The following XKR6 variants were observed in gnomAD, a reference collection of about 807,000 sequenced individuals.
XKR6 encodes XK related 6.
XKR6 carries 22 observed loss-of-function variants against 56.7 expected under a neutral mutation model. The ratio of observed to expected loss-of-function variants is 0.39; its 90% confidence interval spans 0.28 to 0.55. XKR6 has a LOEUF of 0.55. Among genes scored for constraint, XKR6 ranks in the 20% least tolerant of loss-of-function variants. The probability of loss-of-function intolerance (pLI) is 0.66; values close to 1 mark genes in which losing one functional copy is unlikely to be tolerated. For synonymous variants in XKR6, 524 were observed against 387.8 expected (o/e 1.35, Z -4.13); for missense variants, 852 against 889.0 (o/e 0.96, Z 0.53).
rs930370233 is a variant in XKR6 at position 11,114,692 on chromosome 8, CA to C, written c.764+85883del. On this transcript the variant is annotated intron_variant, in intron 1 of 2. Transcript: ENST00000416569. The stretch of plus-strand genomic sequence containing the variant: ...TTATTTTTAATAGAGTTAAATTTAA[CA>C]ATATTTTAATGAAGTCAGCTACTTA... 4.7e-5 allele frequency among the ~76,000 whole-genome samples: 7 copies of C among 148,186 alleles called. No individual in the cohort carries two copies. The Admixed American group carries it at 4.7e-4, about 10-fold the overall frequency.
intron 1 of XKR6, among the ~76,000 whole-genome samples, chr8:10,934,730 T>C (rs1452616766): frequency 7.1e-6 from 1 of 140,298 alleles, no homozygotes; most frequent in Non-Finnish European, 1.6e-5. Context: ...GAACCAGCCT[T>C]GCATCCCAGG....
intron 1 of XKR6, among the ~76,000 whole-genome samples, chr8:10,959,316 T>G (rs1801992389): frequency 6.6e-6 from 1 of 152,020 alleles, no homozygotes; most frequent in Non-Finnish European, 1.5e-5. Context: ...GACCCACAGG[T>G]GGTCACAGAG....
intron 1 of XKR6, among the ~76,000 whole-genome samples, chr8:11,019,906 C>G (rs992863863): frequency 1.3e-5 from 2 of 152,138 alleles, no homozygotes; most frequent in Non-Finnish European, 2.9e-5. Flanking sequence ...ACTTCCCAGC[C>G]GGGCCAGAGT....
At chr8:10,969,853 T>C (rs1220692368) in intron 1 of XKR6, among the ~76,000 whole-genome samples, 1 of 152,218 alleles carries the variant, frequency 6.6e-6, no homozygotes, top group Non-Finnish European at 1.5e-5. Context: ...TGGGGTGGTT[T>C]ATTTGCAGTG....
intron 1 of XKR6, among the ~76,000 whole-genome samples, chr8:10,987,468 G>A (rs1422512079): frequency 6.6e-6 from 1 of 152,036 alleles, no homozygotes; most frequent in Non-Finnish European, 1.5e-5. Flanking sequence ...ACATACTGTT[G>A]GCCACAAATA....
chr8:11,048,106 C>T (rs762986119), intron 1 of XKR6, among the ~76,000 whole-genome samples: 11 of 152,236 alleles, frequency 7.2e-5, no homozygotes, highest in Admixed American at 1.3e-4. Flanking sequence ...CGATCACACA[C>T]CCCCCACGCT....
chr8:11,111,974 T>G (rs1798918491), intron 1 of XKR6: 1 of 152,244 alleles, frequency 6.6e-6, no homozygotes, highest in Non-Finnish European at 1.5e-5. Context: ...TTTTATAATT[T>G]TCAAAACATT....
intron 1 of XKR6, among the ~76,000 whole-genome samples, chr8:11,093,046 CT>C (rs1798131391): frequency 6.6e-6 from 1 of 151,698 alleles, no homozygotes; most frequent in Non-Finnish European, 1.5e-5. Flanking sequence ...CTTTCTTTCT[CT>C]TTCTTTTTCT....
At position 11,001,833 on chromosome 8, in the gene XKR6, A is replaced by G. The variant is rs566461331; in HGVS notation, c.765-77003T>C. On this transcript the variant is annotated intron_variant, in intron 1 of 2. Coordinates refer to ENST00000416569, the MANE Select transcript of XKR6 (RefSeq NM_173683.4). ...AGCAGCTCACTGCCGGTCAGGGGCA[A>G]GCGGCACTGTGCTGTGGGTCTGGTC... 9.8e-5 allele frequency among the ~76,000 whole-genome samples: 15 copies of G among 152,314 alleles called. No homozygotes were observed. In the East Asian group the frequency reaches 2.7e-3, roughly 27 times the overall value.
chr8:11,163,511 T>A (rs1393550581), intron 1 of XKR6, among the ~76,000 whole-genome samples: 1 of 152,240 alleles, frequency 6.6e-6, no homozygotes, highest in East Asian at 1.9e-4. Context: ...ACTATTTCCC[T>A]GCATCCGCTG....
At chr8:11,159,970 C>A (rs536633102) in intron 1 of XKR6, among the ~76,000 whole-genome samples, 2 of 152,090 alleles carry the variant, frequency 1.3e-5, no homozygotes, top group African/African-American at 4.8e-5. Context: ...GGAATCAAGC[C>A]GATAAAATAA....
intron 1 of XKR6, among the ~76,000 whole-genome samples, chr8:11,182,605 T>C (rs1340115200): frequency 6.6e-6 from 1 of 152,248 alleles, no homozygotes; most frequent in Non-Finnish European, 1.5e-5. Flanking sequence ...GCAACAGTCC[T>C]AAGTGAGGAA....
At chr8:11,195,252 T>A (rs886668292) in intron 1 of XKR6, 1 of 693,526 alleles carries the variant, frequency 1.4e-6, no homozygotes. Flanking sequence ...ATCACCCTAG[T>A]GTTTTTACAG....
intron 1 of XKR6, among the ~76,000 whole-genome samples, chr8:11,042,403 G>A (rs968329396): frequency 1.8e-4 from 27 of 152,180 alleles, no homozygotes; most frequent in African/African-American, 5.8e-4. Context: ...GATTTTTCCC[G>A]TGCTATTCTC....
At chr8:11,100,602 C>T (rs898695783) in intron 1 of XKR6, among the ~76,000 whole-genome samples, 4 of 152,176 alleles carry the variant, frequency 2.6e-5, no homozygotes, top group Non-Finnish European at 5.9e-5. Flanking sequence ...AGGTGCTTTC[C>T]CCTACAACTA....
intron 1 of XKR6, among the ~76,000 whole-genome samples, chr8:11,180,980 C>T (rs962094544): frequency 1.3e-5 from 2 of 152,120 alleles, no homozygotes; most frequent in African/African-American, 4.8e-5. Flanking sequence ...ACAATAATGA[C>T]ATACAGGGTT....
rs1295256302 is a variant in XKR6, at chr8:11,200,674, C to T, written c.666G>A (p.Val222=). 2 of 1,563,162 alleles carry T rather than the reference C, an allele frequency of 1.3e-6. No individual in the cohort carries two copies. Among genetic ancestry groups the T allele is most frequent in the Non-Finnish European group, 1.7e-6 (2 of 1,164,590 alleles). The change falls in exon 1 of 3, where the codon GTG becomes GTA. Residue 222 remains valine, a synonymous_variant. Coordinates refer to ENST00000416569, the MANE Select transcript of XKR6 (RefSeq NM_173683.4). This position sits in a 1 kb window ranked among gnomAD's most constrained non-coding sequence, Gnocchi z 6.4. ...VHGAARGGPG[V]RVSPTPGAQR... ...GCGCCCCCGGCGTGGGGGAGACCCTCACGCCTGGGCCACCGCGGGCCGCGC... is the reference window on the plus strand; with the variant it reads ...GCGCCCCCGGCGTGGGGGAGACCCTTACGCCTGGGCCACCGCGGGCCGCGC...
intron 2 of XKR6, among the ~76,000 whole-genome samples, chr8:10,915,507 CT>C (rs5889350): frequency 0.52 from 78,415 of 149,882 alleles, 21,815 homozygotes; most frequent in African/African-American, 0.66. Flanking sequence ...TCTCCTGTTT[CT>C]TTTTTTTTTT....
intron 1 of XKR6, among the ~76,000 whole-genome samples, chr8:11,115,425 A>G (rs1799124734): frequency 6.6e-6 from 1 of 152,210 alleles, no homozygotes; most frequent in Non-Finnish European, 1.5e-5. Context: ...TCCTGCTGCT[A>G]AAGTTATATT....
Sources: allele counts gnomAD v4.1 joint callset (sites outside exome capture counted in the v4.1 genomes callset), GRCh38; gene constraint gnomAD v4.1.1; non-coding constraint Gnocchi (gnomAD v3.1); transcripts MANE v1.5; gene names NCBI Gene and HGNC (gene_info 2026-07-23, HGNC 2026-07-21).